The following THSD4 variants were observed in gnomAD, a reference collection of about 807,000 sequenced individuals.
THSD4 encodes thrombospondin type 1 domain containing 4.
THSD4 carries 69 observed loss-of-function variants against 119.0 expected under a neutral mutation model. That is an observed-to-expected ratio of 0.58 (90% confidence interval 0.48 to 0.71). The LOEUF is 0.71. Ranked by LOEUF, THSD4 falls within the 30% of genes least tolerant of loss-of-function variation. THSD4 has a pLI of 0.00. For synonymous variants in THSD4, 524 were observed against 540.4 expected, an observed-to-expected ratio of 0.97 and a Z score of 0.42; for missense variants, 1,393 against 1,391.1, an observed-to-expected ratio of 1.00 and a Z score of -0.02.
chr15:71,288,682 C>G (rs1041208418), intron 6 of THSD4, among the ~76,000 whole-genome samples: 6 of 152,170 alleles, frequency 3.9e-5, no homozygotes, highest in African/African-American at 1.4e-4. Context: ...TAAAAAGATC[C>G]TTTAGGAATG....
intron 7 of THSD4, among the ~76,000 whole-genome samples, chr15:71,571,756 C>A (rs1405655253): frequency 6.6e-6 from 1 of 152,140 alleles, no homozygotes; most frequent in Non-Finnish European, 1.5e-5. Context: ...TACAGACAAG[C>A]TTTATTCCCC....
At chr15:71,667,243 C>A (rs760707100) in intron 8 of THSD4, among the ~76,000 whole-genome samples, 1 of 152,136 alleles carries the variant, frequency 6.6e-6, no homozygotes, top group Non-Finnish European at 1.5e-5. Flanking sequence ...TTATTCTGAA[C>A]TCTGCCATTT....
At chr15:71,352,632 T>C (rs1252881216) in intron 6 of THSD4, among the ~76,000 whole-genome samples, 1 of 152,208 alleles carries the variant, frequency 6.6e-6, no homozygotes, top group Non-Finnish European at 1.5e-5. Context: ...TGAGAGCCTA[T>C]GTGGTCAGTT....
rs771974218 is a variant in THSD4 at position 71,343,331 on chromosome 15, A to G, written c.1016-68356A>G. Among the ~76,000 whole-genome samples the G allele has an allele frequency of 6.4e-4, 98 of 152,338 alleles. 1 individual carries two copies. Among genetic ancestry groups the G allele is most frequent in the Non-Finnish European group, 1.1e-3 (73 of 68,020 alleles). ...CCTGTCTCTACTGATTGATTGATAA[A>G]TAATAAATAGCCTGCCTTGCCCGCT... On this transcript the variant is annotated intron_variant, in intron 6 of 17. Coordinates refer to ENST00000261862, the MANE Select transcript of THSD4 (RefSeq NM_024817.3).
intron 3 of THSD4, among the ~76,000 whole-genome samples, chr15:71,173,904 A>G (rs924748043): frequency 3.3e-5 from 5 of 152,156 alleles, no homozygotes; most frequent in Non-Finnish European, 7.3e-5. Context: ...AGACCATTCG[A>G]TGGGAAAAGA....
chr15:71,770,399 A>G (rs2053800657), intron 16 of THSD4, among the ~76,000 whole-genome samples: 1 of 151,566 alleles, frequency 6.6e-6, no homozygotes, highest in Admixed American at 6.6e-5. Flanking sequence ...TCACGCCTAT[A>G]ATCCCAGCAC....
rs574786922 is a variant in THSD4, at chr15:71,145,051, T to C, written c.29+3495T>C. Among the ~76,000 whole-genome samples the C allele has an allele frequency of 2.6e-5, 4 of 152,274 alleles. No homozygotes were observed. The South Asian group carries it at 8.3e-4, about 32-fold the overall frequency. ...GCACAATTACATCTTTATTTGTTTG[T>C]TCAGTGAGTGATAGGAAGGAAACAT... On this transcript the variant is annotated intron_variant, in intron 2 of 17. Transcript: ENST00000261862.
At chr15:71,285,591 C>T (rs1228850124) in intron 6 of THSD4, among the ~76,000 whole-genome samples, 8 of 152,172 alleles carry the variant, frequency 5.3e-5, no homozygotes, top group Admixed American at 5.2e-4. Context: ...TGTGGTGGCT[C>T]ATGCCTGTAA....
chr15:71,610,089 C>G (rs2050195655), intron 7 of THSD4, among the ~76,000 whole-genome samples: 2 of 152,170 alleles, frequency 1.3e-5, no homozygotes, highest in Admixed American at 6.5e-5. Flanking sequence ...AAAGTACATC[C>G]AGTCATGCAC....
At chr15:71,325,659 G>T (rs1402879344) in intron 6 of THSD4, among the ~76,000 whole-genome samples, 1 of 151,926 alleles carries the variant, frequency 6.6e-6, no homozygotes, top group Non-Finnish European at 1.5e-5. Flanking sequence ...TTGTGCAATG[G>T]ACTGTCAGTA....
intron 6 of THSD4, among the ~76,000 whole-genome samples, chr15:71,262,196 T>G (rs916219245): frequency 4.6e-5 from 7 of 152,302 alleles, no homozygotes; most frequent in African/African-American, 1.4e-4. Flanking sequence ...ACCAGATGGT[T>G]CTTCTTAAGC....
intron 6 of THSD4, among the ~76,000 whole-genome samples, chr15:71,295,995 A>C (rs756176192): frequency 9.9e-5 from 15 of 152,232 alleles, no homozygotes; most frequent in Non-Finnish European, 1.9e-4. Context: ...TTGATAGCCT[A>C]TTCCTTTCTA....
intron 7 of THSD4, among the ~76,000 whole-genome samples, chr15:71,521,276 A>T (rs964101997): frequency 6.6e-6 from 1 of 152,182 alleles, no homozygotes; most frequent in African/African-American, 2.4e-5. Context: ...AAATGGTGGG[A>T]TTATGGATAC....
chr15:71,308,987 T>C (rs543565016), intron 6 of THSD4, among the ~76,000 whole-genome samples: 1 of 152,358 alleles, frequency 6.6e-6, no homozygotes, highest in African/African-American at 2.4e-5. Context: ...ACTCACTTCA[T>C]TGCCCAGGCT....
In THSD4 at chr15:71,590,253, G is replaced by C. The variant is rs1162649941; in HGVS notation, c.1153-70277G>C. ...TTCCGTAATACGTTTGTTCACAGCA[G>C]AATTTCAGAATGGCATGAGCCAGTG... On this transcript the variant is annotated intron_variant, in intron 7 of 17. Coordinates refer to ENST00000261862, the MANE Select transcript of THSD4 (RefSeq NM_024817.3). 1.4e-5 allele frequency among the ~76,000 whole-genome samples: 2 copies of C among 138,710 alleles called. 1 individual carries two copies. Among genetic ancestry groups the C allele is most frequent in the Non-Finnish European group, 3.3e-5 (2 of 61,042 alleles). 91.0% of individuals were successfully genotyped at this position (138,710 alleles called of 152,430 possible).
intron 7 of THSD4, among the ~76,000 whole-genome samples, chr15:71,593,990 A>G (rs919709254): frequency 6.6e-6 from 1 of 151,874 alleles, no homozygotes; most frequent in Admixed American, 6.6e-5. Context: ...CTGATGAGAA[A>G]GAGGGAAGAG....
intron 8 of THSD4, among the ~76,000 whole-genome samples, chr15:71,727,960 G>A (rs1390076864): frequency 6.6e-6 from 1 of 152,116 alleles, no homozygotes; most frequent in Non-Finnish European, 1.5e-5. Context: ...GGGTCCATCT[G>A]AGAGGGACAG....
chr15:71,266,049 T>C (rs1223777175), intron 6 of THSD4, among the ~76,000 whole-genome samples: 1 of 152,186 alleles, frequency 6.6e-6, no homozygotes, highest in African/African-American at 2.4e-5. Flanking sequence ...GACTTAAACA[T>C]TCCTGCCTGC....
At chr15:71,633,284 T>G (rs1481733181) in intron 7 of THSD4, among the ~76,000 whole-genome samples, 2 of 144,538 alleles carry the variant, frequency 1.4e-5, no homozygotes, top group Admixed American at 6.9e-5. Flanking sequence ...TTTTTTTTTT[T>G]TTTTTTTTGG....
Sources: allele counts gnomAD v4.1 joint callset (sites outside exome capture counted in the v4.1 genomes callset), GRCh38; gene constraint gnomAD v4.1.1; transcripts MANE v1.5; gene names NCBI Gene and HGNC (gene_info 2026-07-23, HGNC 2026-07-21).